The following MARK4 variants were observed in gnomAD, a reference collection of about 807,000 sequenced individuals.
The protein encoded by MARK4 is MAP/microtubule affinity-regulating kinase 4.
In MARK4, 19 loss-of-function variants were observed where a neutral mutation model predicts 81.5. The ratio of observed to expected loss-of-function variants is 0.23; its 90% CI spans 0.16 to 0.34. The LOEUF (loss-of-function observed/expected upper bound fraction) is 0.34, where lower values mean the gene tolerates loss of function less well. Ranked by LOEUF, MARK4 falls within the 10% of genes least tolerant of loss-of-function variation. MARK4 has a pLI of 1.00. For synonymous variants in MARK4, 436 were observed against 439.0 expected (o/e 0.99, Z 0.08); for missense variants, 772 against 1,058.8 (o/e 0.73, Z 3.76).
rs1380329193 is a variant in MARK4 at position 45,304,767 on chromosome 19, G to C, written c.*2057G>C. ...CTGCCTCAGCCAGGGAGGGCTTCCT[G>C]GAGGAGAAGGAGCCAGCTAGACATG... On this transcript the variant is annotated 3_prime_UTR_variant, in exon 17 of 17. Transcript: ENST00000262891. The C allele has an allele frequency of 6.5e-6, 1 of 152,868 alleles. No individual in the cohort carries two copies. The highest frequency in any genetic ancestry group is 2.4e-5 in the African/African-American group (1 of 41,458). 9.5% of individuals were successfully genotyped at this position (152,868 alleles called of 1,614,324 possible). A position where few individuals can be genotyped will look rare whatever the true frequency, so the allele number is the denominator to read the frequency against.
At chr19:45,260,628 C>T (rs969387792) in intron 2 of MARK4, among the ~76,000 whole-genome samples, 3 of 152,012 alleles carry the variant, frequency 2.0e-5, no homozygotes, top group African/African-American at 7.3e-5. Context: ...ACCCAGGAGG[C>T]GAAGGCCGCA....
intron 1 of MARK4, among the ~76,000 whole-genome samples, chr19:45,258,726 T>C (rs1455630463): frequency 6.7e-6 from 1 of 149,434 alleles, no homozygotes; most frequent in African/African-American, 2.5e-5. Flanking sequence ...ACAAGGAGGT[T>C]GGGGGTAGTC....
chr19:45,253,314 G>A (rs1970268193), intron 1 of MARK4, among the ~76,000 whole-genome samples: 1 of 152,128 alleles, frequency 6.6e-6, no homozygotes, highest in Non-Finnish European at 1.5e-5. Context: ...CTAATGAAAT[G>A]CCTACCACCT....
intron 13 of MARK4, among the ~76,000 whole-genome samples, chr19:45,291,708 G>T (rs777886892): frequency 2.4e-4 from 36 of 152,212 alleles, no homozygotes; most frequent in Admixed American, 4.6e-4. Flanking sequence ...CATGAACCTA[G>T]GAGGCGGAGG....
intron 1 of MARK4, chr19:45,258,745 G>T: frequency 1.9e-6 from 1 of 517,476 alleles, no homozygotes; most frequent in Non-Finnish European, 3.4e-6. Flanking sequence ...TCAGACTGCA[G>T]TGAGGGTTGA....
intron 13 of MARK4, among the ~76,000 whole-genome samples, chr19:45,293,988 G>A (rs1428618084): frequency 6.6e-6 from 1 of 152,198 alleles, no homozygotes; most frequent in African/African-American, 2.4e-5. Flanking sequence ...GTGACAGAAT[G>A]TGGCATGAAT....
rs888340292 is a variant in MARK4 at position 45,303,591 on chromosome 19, T to G, written c.*881T>G. The G allele has an allele frequency of 6.6e-6, 1 of 152,114 alleles. No homozygotes were observed. Among genetic ancestry groups the G allele is most frequent in the Admixed American group, 6.6e-5 (1 of 15,260 alleles). The allele number at this position is 152,114 out of a possible 1,614,324, so 9.4% of individuals were successfully genotyped here. A position where few individuals can be genotyped will look rare whatever the true frequency, so the allele number is the denominator to read the frequency against. On this transcript the variant is annotated 3_prime_UTR_variant, in exon 17 of 17. Coordinates refer to ENST00000262891, the MANE Select transcript of MARK4 (RefSeq NM_001199867.2). Reference sequence around the variant, plus strand: ...GTTCCTATATCGGGCCCCCCATTCATCCACTCACACTCCCAGCCACCATGT... The same window carrying G: ...GTTCCTATATCGGGCCCCCCATTCAGCCACTCACACTCCCAGCCACCATGT...
chr19:45,281,007 T>G (rs1270809548), intron 12 of MARK4, among the ~76,000 whole-genome samples: 3 of 151,864 alleles, frequency 2.0e-5, no homozygotes, highest in African/African-American at 7.3e-5. Context: ...GGTTTTTCCT[T>G]TGTCTCTCAC....
chr19:45,266,350 C>T, intron 7 of MARK4, 69 bp downstream of exon 7: 1 of 1,492,696 alleles, frequency 6.7e-7, no homozygotes, highest in Non-Finnish European at 9.3e-7. Flanking sequence ...TGCCCCCACC[C>T]CTCCATGGTT....
In MARK4 at chr19:45,304,155, A is replaced by T. The variant is rs1449782158; in HGVS notation, c.*1445A>T. On this transcript the variant is annotated 3_prime_UTR_variant, in exon 17 of 17. Transcript: ENST00000262891. ...GCATCTATTTTTTCAGTGTAAGTTG[A>T]ATTCTAGTAATTTTTATCAAGTAAG... The T allele has an allele frequency of 6.6e-6, 1 of 152,168 alleles. No homozygotes were observed. The highest frequency in any genetic ancestry group is 1.5e-5 in the Non-Finnish European group (1 of 68,026). 9.4% of individuals were successfully genotyped at this position (152,168 alleles called of 1,614,324 possible).
In MARK4 at chr19:45,302,400, A is replaced by C. The variant is rs1970987626; in HGVS notation, c.1949A>C (p.Glu650Ala). The C allele has an allele frequency of 1.2e-6, 2 of 1,613,982 alleles. No homozygotes were observed. The highest frequency in any genetic ancestry group is 1.7e-6 in the Non-Finnish European group (2 of 1,179,974). Residue 650 changes from glutamate to alanine, a missense_variant, in exon 17 of 17, where the codon GAA becomes GCA. By Grantham distance (107) the Glu-to-Ala change is moderately radical. Around this residue, in one of 3 missense-constraint regions of MARK4, gnomAD observed 548 missense variants for 624.3 expected, o/e 0.88. Transcript: ENST00000262891. The surrounding 1 kb of genome is among the most constrained non-coding windows in gnomAD (Gnocchi z 4.9). ...TSCHLPWDQT[E>A]TAPRLLRFPW... ...TGCCATCTACCTTGGGATCAAACGG[A>C]AACCGCCCCCCGGCTGCTCCGATTC...
chr19:45,295,227 T>C (rs344808), intron 14 of MARK4, among the ~76,000 whole-genome samples: 104,295 of 151,140 alleles, frequency 0.69, 37,224 homozygotes, highest in African/African-American at 0.82. Context: ...GGTGCAGTGG[T>C]GGGCACCTGT....
At chr19:45,273,621 A>T (rs914277446) in intron 8 of MARK4, among the ~76,000 whole-genome samples, 13 of 151,968 alleles carry the variant, frequency 8.6e-5, no homozygotes, top group African/African-American at 3.1e-4. Flanking sequence ...TTTGTCTTTC[A>T]TGACATTGAC....
chr19:45,286,776 T>A (rs1970748047), intron 12 of MARK4, among the ~76,000 whole-genome samples: 1 of 152,106 alleles, frequency 6.6e-6, no homozygotes, highest in Non-Finnish European at 1.5e-5. Context: ...TCTCCCCTTT[T>A]GAAACAAGTT....
At chr19:45,251,972 GCCGTCCGCGT>G (rs1374934530) in intron 1 of MARK4, among the ~76,000 whole-genome samples, 2 of 150,660 alleles carry the variant, frequency 1.3e-5, no homozygotes, top group African/African-American at 2.4e-5. Flanking sequence ...TCCCCTCCAG[GCCGTCCGCGT>G]CCGACACCTC....
At position 45,299,792 on chromosome 19, in the gene MARK4, TC is replaced by T. The variant is rs1442285593; in HGVS notation, c.1878-14del. The T allele has an allele frequency of 1.3e-6, 2 of 1,586,180 alleles. No individual in the cohort carries two copies. Among genetic ancestry groups the T allele is most frequent in the African/African-American group, 1.4e-5 (1 of 74,006 alleles). On this transcript the variant is annotated intron_variant, in intron 15 of 16. Coordinates refer to ENST00000262891, the MANE Select transcript of MARK4 (RefSeq NM_001199867.2). ...CCCTATGTCCAGATTAGACACTCTGTCCCCCTCCCCTCCCCTAGGGTCGCAG... is the reference window on the plus strand; with the variant it reads ...CCCTATGTCCAGATTAGACACTCTGTCCCCTCCCCTCCCCTAGGGTCGCAG...
At chr19:45,255,936 G>A (rs10405439) in intron 1 of MARK4, among the ~76,000 whole-genome samples, 2 of 152,254 alleles carry the variant, frequency 1.3e-5, no homozygotes, top group Admixed American at 6.5e-5. Flanking sequence ...GGGCAGCTCA[G>A]AGCAGGCAGG....
In MARK4 at chr19:45,278,365, G is replaced by T. The variant is rs190127005; in HGVS notation, c.907-151G>T. On this transcript the variant is annotated intron_variant, in intron 9 of 16. Coordinates refer to ENST00000262891, the MANE Select transcript of MARK4 (RefSeq NM_001199867.2). ...ATCAGGAGGCTCCGGCAGGGGACGT[G>T]GGGGAGAGAGAGGCCCAGGAGGCGC... 3.3e-5 allele frequency: 24 copies of T among 735,374 alleles called. 1 individual carries two copies. Among genetic ancestry groups the T allele is most frequent in the South Asian group, 2.2e-4 (13 of 60,256 alleles). 45.6% of individuals were successfully genotyped at this position (735,374 alleles called of 1,614,324 possible).
chr19:45,263,128 A>G lies in MARK4; in HGVS notation c.268A>G (p.Ile90Val). Reference protein sequence around the residue: ...LTGREVAIKIIDKTQLNPSSL... With the variant: ...LTGREVAIKIVDKTQLNPSSL... ...CCCCCTCTAGGTTGCCATCAAGATT[A>G]TCGACAAAACCCAGCTGAATCCCAG... is the stretch of plus-strand genomic sequence containing the variant. Residue 90 changes from isoleucine (I) to valine (V), a missense_variant, in exon 3 of 17, where the codon ATC becomes GTC. Physicochemically the swap from Ile to Val is conservative, Grantham distance 29 (BLOSUM62 3). Coordinates refer to ENST00000262891, the MANE Select transcript of MARK4 (RefSeq NM_001199867.2). 1 of 1,607,592 alleles carries G rather than the reference A, an allele frequency of 6.2e-7. No individual in the cohort carries two copies. The highest frequency in any genetic ancestry group is 1.1e-5 in the South Asian group (1 of 89,948).
Sources: allele counts gnomAD v4.1 joint callset (sites outside exome capture counted in the v4.1 genomes callset), GRCh38; gene constraint gnomAD v4.1.1; regional missense constraint gnomAD v4.1.1; non-coding constraint Gnocchi (gnomAD v3.1); transcripts MANE v1.5; gene names NCBI Gene and HGNC (gene_info 2026-07-23, HGNC 2026-07-21).